PRPF38B: variants seen among roughly 807,000 people sequenced by gnomAD.
PRPF38B encodes the protein pre-mRNA processing factor 38B, also known as pre-mRNA-splicing factor 38B.
In PRPF38B, 18 loss-of-function variants were observed where a neutral mutation model predicts 67.2. That is an observed-to-expected ratio of 0.27 (90% CI 0.19 to 0.40). The LOEUF is 0.40. Among genes scored for constraint, PRPF38B ranks in the 10% least tolerant of loss-of-function variants. The pLI is 1.00. For synonymous variants in PRPF38B, 246 were observed against 234.2 expected (o/e 1.05, Z -0.46); for missense variants, 544 against 684.9 (o/e 0.79, Z 2.30).
In PRPF38B at chr1:108,701,156, T is replaced by C. The variant is rs1660454049; in HGVS notation, c.*1136T>C. ...ATTCTGATTACAGAACCATCATGAG[T>C]GTGGAATAAATACTGGATTAAATCC... On this transcript the variant is annotated 3_prime_UTR_variant, in exon 6 of 6. Transcript: ENST00000370025. The C allele has an allele frequency of 1.3e-5, 2 of 152,622 alleles. No homozygotes were observed. Among genetic ancestry groups the C allele is most frequent in the Non-Finnish European group, 2.9e-5 (2 of 68,028 alleles). The allele number at this position is 152,622 out of a possible 1,614,324, so 9.5% of individuals were successfully genotyped here.
chr1:108,698,981 G>T lies in PRPF38B; in HGVS notation c.782+154G>T, dbSNP rs180713727. 9.9e-5 allele frequency among the ~76,000 whole-genome samples: 15 copies of T among 151,926 alleles called. No homozygotes were observed. In the East Asian group the frequency reaches 2.9e-3, roughly 29 times the overall value. ...CCAAAGATTATTTTCTTCCTTTCAG[G>T]GCTTTTTCTATAAAATTATGCATCT... is the stretch of plus-strand genomic sequence containing the variant. On this transcript the variant is annotated intron_variant, in intron 5 of 5. Coordinates refer to ENST00000370025, the MANE Select transcript of PRPF38B (RefSeq NM_018061.4).
Position 108,699,839 on chromosome 1 carries a change from A to G in PRPF38B, c.1460A>G (p.Lys487Arg). 6.2e-7 allele frequency: 1 copy of G among 1,613,200 alleles called. No individual in the cohort carries two copies. Among genetic ancestry groups the G allele is most frequent in the Non-Finnish European group, 8.5e-7 (1 of 1,179,822 alleles). Residue 487 changes from lysine (K) to arginine (R), a missense_variant, in exon 6 of 6, where the codon AAA (lysine) becomes AGA (arginine). Physicochemically the swap from Lys to Arg is conservative, Grantham distance 26. This residue lies in a region of PRPF38B where 387 missense variants were observed against 386.1 expected (regional missense o/e 1.00). Transcript: ENST00000370025. ...GRTDSVEKSK[K>R]REHSPSKEKS... ...ACTGACAGTGTTGAAAAATCAAAAA[A>G]ACGGGAACATAGTCCCAGCAAAGAA... is the stretch of plus-strand genomic sequence containing the variant.
At position 108,695,702 on chromosome 1, in the gene PRPF38B, G is replaced by A. The variant is rs1296485268; in HGVS notation, c.277G>A (p.Val93Ile). 1 of 1,613,716 alleles carries A rather than the reference G, an allele frequency of 6.2e-7. No individual in the cohort carries two copies. Among genetic ancestry groups the A allele is most frequent in the Non-Finnish European group, 8.5e-7 (1 of 1,179,864 alleles). Residue 93 changes from valine (V) to isoleucine (I), a missense_variant and splice_region_variant, in exon 2 of 6, where the codon GTC (valine) becomes ATC (isoleucine). Physicochemically the swap from Val to Ile is conservative, Grantham distance 29. Coordinates refer to ENST00000370025, the MANE Select transcript of PRPF38B (RefSeq NM_018061.4). Reference sequence around the variant, plus strand: ...TTGTGTTCCTCTTTTCTATTTTCAGGTCACGCACGTTGAACCATGGGAGAA... The same window carrying A: ...TTGTGTTCCTCTTTTCTATTTTCAGATCACGCACGTTGAACCATGGGAGAA... ...HEVVDEIYFK[V>I]THVEPWEKGS...
Position 108,692,551 on chromosome 1 carries a change from C to CT in PRPF38B, c.-40dup. 6.8e-7 allele frequency: 1 copy of CT among 1,476,956 alleles called. No individual in the cohort carries two copies. The highest frequency in any genetic ancestry group is 9.1e-7 in the Non-Finnish European group (1 of 1,104,214). The allele number at this position is 1,476,956 out of a possible 1,614,324, so 91.5% of individuals were successfully genotyped here. ...GAAGAGCGAGATCGAGCTTGGCCCC[C>CT]TCCCCCCCCTCCTTCCCTCCCTCCT... On this transcript the variant is annotated 5_prime_UTR_variant, in exon 1 of 6. Coordinates refer to ENST00000370025, the MANE Select transcript of PRPF38B (RefSeq NM_018061.4).
rs1487189014 is a variant in PRPF38B, at chr1:108,702,709, C to T, written c.*2689C>T. 1.3e-5 allele frequency among the ~76,000 whole-genome samples: 2 copies of T among 152,100 alleles called. No individual in the cohort carries two copies. Among genetic ancestry groups the T allele is most frequent in the African/African-American group, 4.8e-5 (2 of 41,400 alleles). ...GTAGATGACAGGTTGATGGGTGCAG[C>T]TCACCACCAAGGTACATGTATATCT... On this transcript the variant is annotated 3_prime_UTR_variant, in exon 6 of 6. Coordinates refer to ENST00000370025, the MANE Select transcript of PRPF38B (RefSeq NM_018061.4).
At chr1:108,696,993 G>T in intron 4 of PRPF38B, 1 of 513,000 alleles carries the variant, frequency 1.9e-6, no homozygotes, top group South Asian at 2.6e-5. Context: ...GTATGCATTG[G>T]CTGGGCGTGG....
Position 108,692,694 on chromosome 1 carries a change from A to G in PRPF38B, c.103A>G (p.Thr35Ala). The part of the protein sequence containing the change: ...QQQQCGGGGA[T>A]KPAVSGKQGN... ...GCAGCAGTGCGGCGGCGGCGGCGCT[A>G]CCAAGCCGGCGGTCTCCGGCAAGCA... The change falls in exon 1 of 6, where the codon ACC becomes GCC. Residue 35 changes from threonine to alanine, a missense_variant. By Grantham distance (58) the Thr-to-Ala change is moderately conservative (BLOSUM62 0). This residue lies in a region of PRPF38B where 70 missense variants were observed against 58.4 expected (regional missense o/e 1.20). Transcript: ENST00000370025. The G allele has an allele frequency of 6.2e-7, 1 of 1,613,116 alleles. No individual in the cohort carries two copies. Among genetic ancestry groups the G allele is most frequent in the South Asian group, 1.1e-5 (1 of 91,088 alleles).
In PRPF38B at chr1:108,700,013, C is replaced by T; in HGVS notation, c.1634C>T (p.Thr545Ile). 1.3e-6 allele frequency: 2 copies of T among 1,578,696 alleles called. No homozygotes were observed. Among genetic ancestry groups the T allele is most frequent in the Non-Finnish European group, 1.7e-6 (2 of 1,168,314 alleles). Reference protein sequence around the residue: ...QEKQHKNKDETV With the variant: ...QEKQHKNKDEIV Reference sequence around the variant, plus strand: ...AAACAGCATAAAAACAAAGATGAGACTGTGTGAAAATATTTTGTAAAAGTG... The same window carrying T: ...AAACAGCATAAAAACAAAGATGAGATTGTGTGAAAATATTTTGTAAAAGTG... Residue 545 changes from threonine to isoleucine, a missense_variant, in exon 6 of 6, where the codon ACT becomes ATT. By Grantham distance (89) the Thr-to-Ile change is moderately conservative. This residue lies in a region of PRPF38B where 387 missense variants were observed against 386.1 expected (regional missense o/e 1.00). Coordinates refer to ENST00000370025, the MANE Select transcript of PRPF38B (RefSeq NM_018061.4).
chr1:108,695,614 T>A, intron 1 of PRPF38B, 88 bp from the exon 2 acceptor site: 1 of 1,257,334 alleles, frequency 8.0e-7, no homozygotes, highest in South Asian at 1.3e-5. Flanking sequence ...GAAGAGCTGC[T>A]CTATTATGGA....
Position 108,699,782 on chromosome 1 carries a change from A to G in PRPF38B, c.1403A>G (p.Asn468Ser), listed in dbSNP as rs771838612. 2.2e-5 allele frequency: 35 copies of G among 1,612,982 alleles called. No individual in the cohort carries two copies. Among genetic ancestry groups the G allele is most frequent in the Non-Finnish European group, 2.8e-5 (33 of 1,179,804 alleles). Residue 468 changes from asparagine (N) to serine (S), a missense_variant, in exon 6 of 6, where the codon AAT becomes AGT. Asn to Ser is a conservative substitution (Grantham distance 46). This residue lies in a region of PRPF38B where 387 missense variants were observed against 386.1 expected (regional missense o/e 1.00). Coordinates refer to ENST00000370025, the MANE Select transcript of PRPF38B (RefSeq NM_018061.4). ...KHKNESKEKS[N>S]KRSRSGSQGR... is the part of the protein sequence containing the mutation. The stretch of plus-strand genomic sequence containing the variant: ...AAAAATGAAAGTAAAGAAAAATCAA[A>G]TAAACGAAGTCGAAGTGGCAGTCAA...
At chr1:108,698,124 T>G (rs1660070766) in intron 4 of PRPF38B, 1 of 152,446 alleles carries the variant, frequency 6.6e-6, no homozygotes, top group Non-Finnish European at 1.5e-5. Flanking sequence ...CACTGCTTCA[T>G]GGCAGTTGGT....
At chr1:108,696,997 G>C in intron 4 of PRPF38B, 1 of 501,278 alleles carries the variant, frequency 2.0e-6, no homozygotes, top group Non-Finnish European at 3.5e-6. Context: ...GCATTGGCTG[G>C]GCGTGGTGGC....
At chr1:108,696,623 G>A (rs918096825) in intron 4 of PRPF38B, 118 of 668,006 alleles carry the variant, frequency 1.8e-4, no homozygotes, top group Non-Finnish European at 2.9e-4. Context: ...TATTGATCCT[G>A]AATTGTATAG....
intron 1 of PRPF38B, 82 bp downstream of exon 1, chr1:108,692,949 A>G: frequency 1.3e-6 from 2 of 1,505,806 alleles, no homozygotes; most frequent in South Asian, 1.3e-5. Flanking sequence ...GGCCCCCGAA[A>G]TCTGAAGATT....
Position 108,692,385 on chromosome 1 carries a change from G to C in PRPF38B, c.-207G>C. 3.4e-6 allele frequency: 2 copies of C among 590,630 alleles called. No homozygotes were observed. The highest frequency in any genetic ancestry group is 5.9e-6 in the Non-Finnish European group (2 of 341,164). The allele number at this position is 590,630 out of a possible 1,614,324, so 36.6% of individuals were successfully genotyped here. On this transcript the variant is annotated 5_prime_UTR_variant, in exon 1 of 6. Transcript: ENST00000370025. Reference sequence around the variant, plus strand: ...GGCTCGCCTTCTGCGTGGAGTTCTCGCGGTCTGGGTTTCGCTGTCTGCTCT... The same window carrying C: ...GGCTCGCCTTCTGCGTGGAGTTCTCCCGGTCTGGGTTTCGCTGTCTGCTCT...
intron 4 of PRPF38B, chr1:108,697,794 T>C (rs1344934885): frequency 1.3e-5 from 2 of 152,244 alleles, no homozygotes; most frequent in African/African-American, 2.4e-5. Context: ...AGCTAACTTA[T>C]TGTTTTCTTC....
chr1:108,692,884 C>T lies in PRPF38B; in HGVS notation c.276+17C>T, dbSNP rs747396622. ...TACTTTAAGGTACGAAGTGTGTAGG[C>T]CTTGGCTTTGGGGGTAAGTTCGGAA... On this transcript the variant is annotated intron_variant, in intron 1 of 5. Transcript: ENST00000370025. The T allele has an allele frequency of 8.1e-6, 13 of 1,600,776 alleles. No homozygotes were observed. The South Asian group carries it at 1.2e-4, about 15-fold the overall frequency.
At chr1:108,693,293 C>G (rs1229982607) in intron 1 of PRPF38B, among the ~76,000 whole-genome samples, 1 of 151,804 alleles carries the variant, frequency 6.6e-6, no homozygotes, top group African/African-American at 2.4e-5. Context: ...GTATTGGCCT[C>G]GTGTTGTTGG....
chr1:108,699,953 G>A lies in PRPF38B; in HGVS notation c.1574G>A (p.Arg525Gln), dbSNP rs749522535. 27 of 1,613,070 alleles carry A rather than the reference G, an allele frequency of 1.7e-5. No homozygotes were observed. The highest frequency in any genetic ancestry group is 1.5e-4 in the African/African-American group (11 of 74,780). The change falls in exon 6 of 6, where the codon CGA becomes CAA. Residue 525 changes from arginine (R) to glutamine (Q), a missense_variant. By Grantham distance (43) the Arg-to-Gln change is conservative. Transcript: ENST00000370025. ...GACCAGTCAGACAAACATGATCGTC[G>A]AAGGAGCCAAAGTATAGAACAAGAG... ...SKDQSDKHDR[R>Q]RSQSIEQESQ...
Sources: gnomAD v4.1 joint callset for allele counts (sites outside exome capture counted in the v4.1 genomes callset) on GRCh38, gnomAD v4.1.1 for gene constraint, gnomAD v4.1.1 regional missense constraint, MANE v1.5 for transcripts, NCBI Gene and HGNC (gene_info 2026-07-23, HGNC 2026-07-21) for gene names.